Variants in KDM2A observed in about 807,000 individuals in gnomAD.
The protein encoded by KDM2A is lysine demethylase 2A.
In KDM2A, 3 loss-of-function variants were observed where a neutral mutation model predicts 137.3. The observed-to-expected ratio is 0.02, with a 90% CI of 0.01 to 0.06. The LOEUF is 0.06. Ranked by LOEUF, KDM2A falls within the 10% of genes least tolerant of loss-of-function variation. KDM2A has a pLI of 1.00. For synonymous variants in KDM2A, 512 were observed against 541.5 expected, an observed-to-expected ratio of 0.95 and a Z score of 0.76; for missense variants, 738 against 1,510.6, an observed-to-expected ratio of 0.49 and a Z score of 8.48.
intron 5 of KDM2A, among the ~76,000 whole-genome samples, chr11:67,206,997 C>T (rs1398607495): frequency 1.3e-5 from 2 of 152,110 alleles, no homozygotes; most frequent in South Asian, 2.1e-4. Flanking sequence ...AACAGGTTTG[C>T]GAAATAGCCC....
intron 6 of KDM2A, among the ~76,000 whole-genome samples, chr11:67,214,456 G>A (rs550905447): frequency 4.2e-4 from 64 of 151,956 alleles, no homozygotes; most frequent in African/African-American, 1.5e-3. Context: ...CACCTGCCTC[G>A]GCCTCCCAAA....
rs572305901 is a variant in KDM2A, at chr11:67,161,231, A to C, written c.43-18848A>C. ...TTTTTAAATTGAAACCAAAAACAAAAGAAAAACAAGACTTTAGTGATGGCT... is the reference window on the plus strand; with the variant it reads ...TTTTTAAATTGAAACCAAAAACAAACGAAAAACAAGACTTTAGTGATGGCT... On this transcript the variant is annotated intron_variant, in intron 2 of 20. Transcript: ENST00000529006. Among the ~76,000 whole-genome samples, 11 of 152,344 alleles carry C rather than the reference A, an allele frequency of 7.2e-5. No homozygotes were observed. In the East Asian group the frequency reaches 2.1e-3, roughly 29 times the overall value.
At chr11:67,121,472 T>G in intron 2 of KDM2A, 114 bp downstream of exon 2, 1 of 984,334 alleles carries the variant, frequency 1.0e-6, no homozygotes, top group Non-Finnish European at 1.6e-6. Context: ...GTGACTTTTC[T>G]GTGCACCAGA....
chr11:67,164,324 T>G (rs1856695181), intron 2 of KDM2A, among the ~76,000 whole-genome samples: 1 of 152,186 alleles, frequency 6.6e-6, no homozygotes, highest in African/African-American at 2.4e-5. Context: ...TATAAGAATT[T>G]TAGCTTGATT....
At chr11:67,167,586 C>CTT (rs554758554) in intron 2 of KDM2A, among the ~76,000 whole-genome samples, 25 of 145,168 alleles carry the variant, frequency 1.7e-4, no homozygotes, top group African/African-American at 6.0e-4. Context: ...TCACAGCTAT[C>CTT]TTTTTTTTTT....
chr11:67,213,016 T>C (rs758371772), intron 6 of KDM2A, among the ~76,000 whole-genome samples: 3 of 152,190 alleles, frequency 2.0e-5, no homozygotes, highest in Admixed American at 6.5e-5. Flanking sequence ...GATGCTTGGT[T>C]AAAATTGTTG....
intron 2 of KDM2A, among the ~76,000 whole-genome samples, chr11:67,130,484 A>AG (rs1855828801): frequency 6.6e-6 from 1 of 152,146 alleles, no homozygotes; most frequent in Non-Finnish European, 1.5e-5. Context: ...AACTGTGCCT[A>AG]GGTTTTGCTG....
chr11:67,127,947 C>T (rs904413616), intron 2 of KDM2A, among the ~76,000 whole-genome samples: 2 of 148,590 alleles, frequency 1.3e-5, no homozygotes, highest in South Asian at 2.1e-4. Context: ...CTCAGGCAGG[C>T]GATCTGCCTG....
At chr11:67,177,127 G>A (rs1342896620) in intron 2 of KDM2A, among the ~76,000 whole-genome samples, 3 of 151,702 alleles carry the variant, frequency 2.0e-5, no homozygotes, top group Non-Finnish European at 2.9e-5. Context: ...CATATTACTC[G>A]GGAGGCTGAG....
chr11:67,154,122 C>G (rs990806023), intron 2 of KDM2A, among the ~76,000 whole-genome samples: 1 of 152,082 alleles, frequency 6.6e-6, no homozygotes, highest in African/African-American at 2.4e-5. Context: ...CTTCAGTCCA[C>G]GTTTATGCAT....
intron 2 of KDM2A, among the ~76,000 whole-genome samples, chr11:67,122,873 C>A (rs1013862298): frequency 6.6e-6 from 1 of 151,398 alleles, no homozygotes; most frequent in Admixed American, 6.6e-5. Flanking sequence ...GACGGGGTTT[C>A]ACTGTGTTAG....
chr11:67,232,109 A>G (rs537676855), intron 12 of KDM2A, 149 bp downstream of exon 12: 4 of 750,186 alleles, frequency 5.3e-6, no homozygotes, highest in East Asian at 2.5e-5. Flanking sequence ...ATTGCTGCTC[A>G]GTGTTTTCAT....
chr11:67,151,833 C>T (rs953599133), intron 2 of KDM2A, among the ~76,000 whole-genome samples: 15 of 152,062 alleles, frequency 9.9e-5, no homozygotes, highest in Admixed American at 1.3e-4. Flanking sequence ...TAGCCTTGAA[C>T]TCCTGGGCTT....
chr11:67,217,920 T>C (rs774505188), intron 9 of KDM2A, 36 bp downstream of exon 9: 4 of 1,528,832 alleles, frequency 2.6e-6, no homozygotes, highest in Non-Finnish European at 3.5e-6. Flanking sequence ...ATTTAGCCAT[T>C]TTTTTCCTTA....
At chr11:67,180,057 A>G (rs757048302) in intron 2 of KDM2A, 22 bp from the exon 3 acceptor site, 4 of 1,597,924 alleles carry the variant, frequency 2.5e-6, no homozygotes, top group Non-Finnish European at 3.4e-6. Flanking sequence ...TGATTTCATC[A>G]GTATGTTCCT....
intron 5 of KDM2A, chr11:67,196,689 CAAAAT>C (rs751674205): frequency 1.5e-4 from 47 of 319,870 alleles, no homozygotes; most frequent in Middle Eastern, 1.1e-3. Context: ...ATCATGGAGA[CAAAAT>C]AGAATAGTGG....
intron 12 of KDM2A, 78 bp downstream of exon 12, chr11:67,232,038 T>C (rs967721970): frequency 4.9e-6 from 7 of 1,433,446 alleles, no homozygotes; most frequent in African/African-American, 1.4e-5. Flanking sequence ...GGAGAAAATA[T>C]AGGAATTTTG....
rs1859398622 is a variant in KDM2A at position 67,250,820 on chromosome 11, C to T, written c.2768+22C>T. The T allele has an allele frequency of 6.7e-7, 1 of 1,502,112 alleles. No homozygotes were observed. Among genetic ancestry groups the T allele is most frequent in the African/African-American group, 1.4e-5 (1 of 71,402 alleles). 93.0% of individuals were successfully genotyped at this position (1,502,112 alleles called of 1,614,324 possible). Reference sequence around the variant, plus strand: ...AATGGTGAGCAGGGATTCAGGGGGTCAGGAATTAGGGGTATGGGAGTAGGT... The same window carrying T: ...AATGGTGAGCAGGGATTCAGGGGGTTAGGAATTAGGGGTATGGGAGTAGGT... On this transcript the variant is annotated intron_variant, in intron 17 of 20. Transcript: ENST00000529006. This position sits in a 1 kb window ranked among gnomAD's most constrained non-coding sequence, Gnocchi z 7.1.
intron 2 of KDM2A, among the ~76,000 whole-genome samples, chr11:67,175,252 G>GTGTT (rs1200907286): frequency 6.6e-6 from 1 of 152,186 alleles, no homozygotes; most frequent in Non-Finnish European, 1.5e-5. Context: ...AGGAAAAACA[G>GTGTT]ACATCCTTGA....
Sources: gnomAD v4.1 joint callset for allele counts (sites outside exome capture counted in the v4.1 genomes callset) on GRCh38, gnomAD v4.1.1 for gene constraint, Gnocchi (gnomAD v3.1) non-coding constraint, MANE v1.5 for transcripts, NCBI Gene and HGNC (gene_info 2026-07-23, HGNC 2026-07-21) for gene names.